Variants in IGSF11 observed in about 807,000 individuals in gnomAD.
IGSF11 encodes the protein immunoglobulin superfamily member 11.
A neutral mutation model predicts 41.0 loss-of-function variants in IGSF11; 22 were observed. The ratio of observed to expected loss-of-function variants is 0.54; its 90% CI spans 0.38 to 0.77. IGSF11 has a LOEUF of 0.77. IGSF11 is among the 30% of genes least tolerant of loss of function. IGSF11 has a pLI of 0.00. For missense variants in IGSF11, 444 were observed against 530.8 expected, an observed-to-expected ratio of 0.84 and a Z score of 1.61; for synonymous variants, 219 against 201.3, an observed-to-expected ratio of 1.09 and a Z score of -0.74.
At chr3:118,976,631 T>C (rs954112259) in intron 1 of IGSF11, among the ~76,000 whole-genome samples, 4 of 152,224 alleles carry the variant, frequency 2.6e-5, no homozygotes, top group Admixed American at 2.6e-4. Flanking sequence ...TTTATTCTAG[T>C]CTGAAGATAG....
chr3:118,913,793 G>A (rs1166536790), intron 4 of IGSF11, among the ~76,000 whole-genome samples: 1 of 152,158 alleles, frequency 6.6e-6, no homozygotes, highest in Non-Finnish European at 1.5e-5. Context: ...TGAAAATGGG[G>A]ATGATTAATA....
intron 1 of IGSF11, among the ~76,000 whole-genome samples, chr3:119,075,982 G>C (rs556972361): frequency 1.2e-4 from 19 of 152,240 alleles, no homozygotes; most frequent in East Asian, 3.9e-4. Context: ...AACAAAGCTG[G>C]AGGCATCACG....
intron 1 of IGSF11, among the ~76,000 whole-genome samples, chr3:119,055,584 T>A (rs909835330): frequency 6.6e-6 from 1 of 152,132 alleles, no homozygotes; most frequent in Non-Finnish European, 1.5e-5. Flanking sequence ...TTAACAAGGA[T>A]ACCCAGGAAT....
In IGSF11 at chr3:119,130,943, C is replaced by A. The variant is rs527918599; in HGVS notation, c.-14+14870G>T. On this transcript the variant is annotated intron_variant, in intron 1 of 7. Coordinates refer to the IGSF11 transcript ENST00000425327. ...GGAGTGGACCCCCAGCAAACTCCAA[C>A]AGACCTGCAGCTGAGGGATCTGACT... Among the ~76,000 whole-genome samples, 143 of 152,326 alleles carry A rather than the reference C, an allele frequency of 9.4e-4. 4 individuals are homozygous for A. In the South Asian group the frequency reaches 0.027, roughly 29 times the overall value.
chr3:119,017,239 G>A (rs1221802151), intron 1 of IGSF11, among the ~76,000 whole-genome samples: 1 of 152,166 alleles, frequency 6.6e-6, no homozygotes, highest in East Asian at 1.9e-4. Flanking sequence ...TTTCATCATT[G>A]TGTGAACATC....
chr3:118,981,664 C>T (rs1934733180), intron 1 of IGSF11: 1 of 152,364 alleles, frequency 6.6e-6, no homozygotes, highest in South Asian at 2.1e-4. Flanking sequence ...GCTCCACTGA[C>T]CTCCACACCC....
intron 4 of IGSF11, among the ~76,000 whole-genome samples, chr3:118,913,577 G>A (rs1469607838): frequency 6.6e-6 from 1 of 152,038 alleles, no homozygotes; most frequent in African/African-American, 2.4e-5. Flanking sequence ...AGAGTGTAGG[G>A]AAAAAAGATA....
intron 1 of IGSF11, among the ~76,000 whole-genome samples, chr3:119,004,513 T>A (rs1576615546): frequency 7.0e-6 from 1 of 143,590 alleles, no homozygotes. Flanking sequence ...AGCTTTTGAA[T>A]GTGTTTACTC....
chr3:118,929,067 C>T (rs1276721907), intron 2 of IGSF11, among the ~76,000 whole-genome samples: 1 of 152,140 alleles, frequency 6.6e-6, no homozygotes, highest in East Asian at 1.9e-4. Context: ...CATTCTCATG[C>T]TTATTAGGTC....
rs78473447 is a variant in IGSF11 at position 119,082,703 on chromosome 3, T to C, written c.49+22441A>G. ...ACTGTAAGTTTCATTGGGTGCAATATAAAATTCAGTTTGTATTTAGTGTTT... is the reference window on the plus strand; with the variant it reads ...ACTGTAAGTTTCATTGGGTGCAATACAAAATTCAGTTTGTATTTAGTGTTT... On this transcript the variant is annotated intron_variant, in intron 1 of 6. Coordinates refer to the IGSF11 transcript ENST00000354673. Among the ~76,000 whole-genome samples, 346 of 152,308 alleles carry C rather than the reference T, an allele frequency of 2.3e-3. 1 individual carries two copies. Among genetic ancestry groups the C allele is most frequent in the African/African-American group, 8.1e-3 (336 of 41,572 alleles).
intron 1 of IGSF11, among the ~76,000 whole-genome samples, chr3:119,047,483 C>A (rs1274777329): frequency 6.6e-6 from 1 of 152,046 alleles, no homozygotes; most frequent in Non-Finnish European, 1.5e-5. Flanking sequence ...ACAGGAGCAC[C>A]CTGATTCATA....
At chr3:118,917,341 C>G (rs1941243742) in intron 4 of IGSF11, among the ~76,000 whole-genome samples, 1 of 149,954 alleles carries the variant, frequency 6.7e-6, no homozygotes, top group South Asian at 2.1e-4. Context: ...AAAGGATCAA[C>G]AAAATTGATA....
chr3:118,943,883 C>T (rs993281487), intron 1 of IGSF11, among the ~76,000 whole-genome samples: 3 of 152,288 alleles, frequency 2.0e-5, no homozygotes, highest in Non-Finnish European at 2.9e-5. Flanking sequence ...AATGAGCAAG[C>T]TCCATTTGTT....
chr3:119,077,782 A>C (rs1164971200), intron 1 of IGSF11, among the ~76,000 whole-genome samples: 1 of 152,228 alleles, frequency 6.6e-6, no homozygotes. Context: ...AGAAAACCCC[A>C]TAGTCTCTGT....
intron 1 of IGSF11, among the ~76,000 whole-genome samples, chr3:118,938,977 C>A (rs918194788): frequency 3.9e-5 from 6 of 152,128 alleles, no homozygotes; most frequent in Non-Finnish European, 4.4e-5. Flanking sequence ...AGTGAAAAAC[C>A]TGCAATTATG....
chr3:119,140,845 A>T (rs1282444344), intron 1 of IGSF11, among the ~76,000 whole-genome samples: 2 of 132,252 alleles, frequency 1.5e-5, no homozygotes, highest in East Asian at 2.2e-4. Flanking sequence ...GGAGTTCGAG[A>T]CCAGTCTGGC....
chr3:119,075,763 T>C (rs2076484005), intron 1 of IGSF11, among the ~76,000 whole-genome samples: 1 of 152,172 alleles, frequency 6.6e-6, no homozygotes, highest in South Asian at 2.1e-4. Flanking sequence ...AAAAGCTTTT[T>C]ATAAAATTCA....
intron 1 of IGSF11, among the ~76,000 whole-genome samples, chr3:119,111,358 T>C (rs1365946142): frequency 1.3e-5 from 2 of 152,256 alleles, no homozygotes; most frequent in Admixed American, 6.5e-5. Flanking sequence ...CCATCACTGA[T>C]ACCCTTTCTT....
chr3:119,021,217 T>G (rs1188873247), intron 1 of IGSF11, among the ~76,000 whole-genome samples: 1 of 152,162 alleles, frequency 6.6e-6, no homozygotes, highest in Admixed American at 6.6e-5. Flanking sequence ...AAAAGTCATT[T>G]AAAACTAAAA....
Sources: gnomAD v4.1 joint callset for allele counts (sites outside exome capture counted in the v4.1 genomes callset) on GRCh38, gnomAD v4.1.1 for gene constraint, MANE v1.5 for transcripts, NCBI Gene and HGNC (gene_info 2026-07-23, HGNC 2026-07-21) for gene names.